Variants in SHTN1 observed in about 807,000 individuals in gnomAD.
SHTN1 encodes shootin 1.
SHTN1 carries 42 observed loss-of-function variants against 83.1 expected under a neutral mutation model. The observed-to-expected ratio is 0.51, with a 90% confidence interval of 0.39 to 0.65. SHTN1 has a LOEUF of 0.65. SHTN1 is among the 30% of genes least tolerant of loss of function. The pLI is 0.00. For synonymous variants in SHTN1, 224 were observed against 247.7 expected, an observed-to-expected ratio of 0.90 and a Z score of 0.90; for missense variants, 622 against 737.8, an observed-to-expected ratio of 0.84 and a Z score of 1.82.
intron 1 of SHTN1, among the ~76,000 whole-genome samples, chr10:116,987,988 A>G (rs1296936839): frequency 1.3e-5 from 2 of 152,138 alleles, no homozygotes; most frequent in Non-Finnish European, 2.9e-5. Flanking sequence ...GAACAGGTAG[A>G]GCACACATTT....
chr10:116,945,037 A>AC lies in SHTN1; in HGVS notation c.617-20_617-19insG. On this transcript the variant is annotated intron_variant, in intron 7 of 16. Coordinates refer to ENST00000355371, the MANE Select transcript of SHTN1 (RefSeq NM_001127211.3). ...ATGGACACTTAAGAAGATAAAGGAAAAAAAAAACCCAGACAATAAGTCACA... is the reference window on the plus strand; with the variant it reads ...ATGGACACTTAAGAAGATAAAGGAAACAAAAAAACCCAGACAATAAGTCACA... 7.1e-7 allele frequency: 1 copy of AC among 1,410,940 alleles called. No individual in the cohort carries two copies. The highest frequency in any genetic ancestry group is 9.8e-7 in the Non-Finnish European group (1 of 1,015,528). The allele number at this position is 1,410,940 out of a possible 1,614,324, so 87.4% of individuals were successfully genotyped here.
intron 1 of SHTN1, among the ~76,000 whole-genome samples, chr10:117,091,243 C>G (rs1853426306): frequency 6.6e-6 from 1 of 152,220 alleles, no homozygotes; most frequent in African/African-American, 2.4e-5. Context: ...GTGCCAGGGA[C>G]TGTTCCAAAT....
At chr10:117,000,904 A>C (rs964916435) in intron 1 of SHTN1, among the ~76,000 whole-genome samples, 4 of 152,336 alleles carry the variant, frequency 2.6e-5, no homozygotes, top group African/African-American at 4.8e-5. Context: ...ATTCAGCTCT[A>C]TCTCTCTGAT....
rs543089826 is a variant in SHTN1 at position 116,884,143 on chromosome 10, A to T, written c.*2201T>A. On this transcript the variant is annotated 3_prime_UTR_variant, in exon 17 of 17. Coordinates refer to ENST00000355371, the MANE Select transcript of SHTN1 (RefSeq NM_001127211.3). ...AAGATGCAGTCTTTTCCAACTTAAA[A>T]TTGTGTAAGCAGGACGTATGTAAGT... 1.4e-5 allele frequency: 6 copies of T among 438,100 alleles called. No individual in the cohort carries two copies. The highest frequency in any genetic ancestry group is 2.8e-5 in the Non-Finnish European group (6 of 215,134). 27.1% of individuals were successfully genotyped at this position (438,100 alleles called of 1,614,324 possible). A position where few individuals can be genotyped will look rare whatever the true frequency, so the allele number is the denominator to read the frequency against.
At chr10:116,892,267 G>C (rs1847363016) in intron 16 of SHTN1, among the ~76,000 whole-genome samples, 1 of 152,152 alleles carries the variant, frequency 6.6e-6, no homozygotes, top group African/African-American at 2.4e-5. Flanking sequence ...CACATTTACA[G>C]AATCTAAAAT....
intron 15 of SHTN1, among the ~76,000 whole-genome samples, chr10:116,905,316 A>T (rs1207782347): frequency 6.6e-6 from 1 of 152,170 alleles, no homozygotes; most frequent in African/African-American, 2.4e-5. Context: ...AATAACGATT[A>T]TATGTTACGG....
chr10:116,929,427 A>C (rs1848867075), intron 10 of SHTN1, among the ~76,000 whole-genome samples: 2 of 152,204 alleles, frequency 1.3e-5, no homozygotes, highest in Non-Finnish European at 2.9e-5. Flanking sequence ...TAGACACCAA[A>C]GATGAAGGTA....
intron 1 of SHTN1, among the ~76,000 whole-genome samples, chr10:117,003,390 G>A (rs1851889385): frequency 6.8e-6 from 1 of 147,794 alleles, no homozygotes; most frequent in African/African-American, 2.5e-5. Context: ...TAAAGGTGCT[G>A]GGAAGGCCAA....
At chr10:116,980,441 A>G (rs1423428057) in intron 1 of SHTN1, among the ~76,000 whole-genome samples, 1 of 152,040 alleles carries the variant, frequency 6.6e-6, no homozygotes, top group Non-Finnish European at 1.5e-5. Context: ...CTACAGGCAC[A>G]TACTACCATG....
chr10:117,098,101 GC>G (rs1347625167), intron 1 of SHTN1, among the ~76,000 whole-genome samples: 1 of 151,824 alleles, frequency 6.6e-6, no homozygotes, highest in Non-Finnish European at 1.5e-5. Context: ...TTTAAAAGAT[GC>G]CTGAGGCCGG....
intron 9 of SHTN1, among the ~76,000 whole-genome samples, chr10:116,930,731 T>C (rs1049635827): frequency 2.6e-5 from 4 of 152,206 alleles, no homozygotes; most frequent in Non-Finnish European, 5.9e-5. Context: ...TTATATTCCT[T>C]TGGGCATATA....
chr10:117,046,798 A>C (rs1852669652), intron 2 of SHTN1, among the ~76,000 whole-genome samples: 1 of 152,204 alleles, frequency 6.6e-6, no homozygotes, highest in African/African-American at 2.4e-5. Context: ...AAAATAGGAC[A>C]GTCCATAGAG....
chr10:117,012,956 T>C (rs988168026), intron 2 of SHTN1, among the ~76,000 whole-genome samples: 4 of 152,100 alleles, frequency 2.6e-5, no homozygotes, highest in Admixed American at 2.6e-4. Context: ...TAGTGGCTTG[T>C]GCCTGTAATT....
intron 1 of SHTN1, among the ~76,000 whole-genome samples, chr10:116,983,270 A>G (rs992200281): frequency 1.3e-5 from 2 of 152,112 alleles, no homozygotes; most frequent in African/African-American, 4.8e-5. Context: ...CATATAAAAG[A>G]GTATTTGGGC....
At position 116,886,476 on chromosome 10, in the gene SHTN1, A is replaced by G. The variant is rs1847167531; in HGVS notation, c.1764T>C (p.His588=). The stretch of plus-strand genomic sequence containing the variant: ...CAACCTGGTCTTTGGTTTGGGGTTC[A>G]TGTGTAGAAACAGGATCTAAAACTA... ...PVVVLDPVST[H]EPQTKDQVAE... is the part of the protein sequence containing the mutation. Residue 588 remains histidine (H), a synonymous_variant, in exon 17 of 17, where the codon CAT becomes CAC. Transcript: ENST00000355371. 1 of 1,614,024 alleles carries G rather than the reference A, an allele frequency of 6.2e-7. No homozygotes were observed. The highest frequency in any genetic ancestry group is 1.3e-5 in the African/African-American group (1 of 74,924).
intron 1 of SHTN1, among the ~76,000 whole-genome samples, chr10:117,108,150 T>C (rs1853698917): frequency 6.6e-6 from 1 of 152,180 alleles, no homozygotes; most frequent in Admixed American, 6.6e-5. Flanking sequence ...AATTTGAAAG[T>C]GCCGAGTTGA....
chr10:117,103,021 T>C (rs2133631109), intron 1 of SHTN1, among the ~76,000 whole-genome samples: 1 of 152,310 alleles, frequency 6.6e-6, no homozygotes, highest in African/African-American at 2.4e-5. Context: ...GGCAGAATGA[T>C]TATAAAAACT....
chr10:116,897,210 C>T (rs1207470859), intron 16 of SHTN1, among the ~76,000 whole-genome samples: 1 of 152,132 alleles, frequency 6.6e-6, no homozygotes, highest in Non-Finnish European at 1.5e-5. Context: ...GAGTACTACT[C>T]TAAAAGATAA....
chr10:117,013,362 CAG>C (rs1395948251), intron 2 of SHTN1, among the ~76,000 whole-genome samples: 2 of 152,028 alleles, frequency 1.3e-5, no homozygotes, highest in Non-Finnish European at 2.9e-5. Flanking sequence ...TTAGTAGAGA[CAG>C]GGTTTCACTA....
Sources: allele counts gnomAD v4.1 joint callset (sites outside exome capture counted in the v4.1 genomes callset), GRCh38; gene constraint gnomAD v4.1.1; transcripts MANE v1.5; gene names NCBI Gene and HGNC (gene_info 2026-07-23, HGNC 2026-07-21).